Variants in VWA2 observed in about 807,000 individuals in gnomAD.
VWA2 encodes the protein von Willebrand factor A domain containing 2, also known as von Willebrand factor A domain-containing protein 2.
Under a neutral mutation model 70.4 loss-of-function variants are expected in VWA2, and 73 were observed. That is an observed-to-expected ratio of 1.04 (90% confidence interval 0.86 to 1.26). The LOEUF is 1.26. VWA2 is among the 50% of genes most tolerant of loss of function. The probability of loss-of-function intolerance (pLI) is 0.00; values close to 1 mark genes in which losing one functional copy is unlikely to be tolerated. For synonymous variants in VWA2, 407 were observed against 423.3 expected (o/e 0.96, Z 0.47); for missense variants, 1,011 against 998.5 (o/e 1.01, Z -0.17).
intron 5 of VWA2, among the ~76,000 whole-genome samples, chr10:114,266,314 A>G (rs1333144558): frequency 2.0e-5 from 3 of 152,076 alleles, no homozygotes; most frequent in Non-Finnish European, 2.9e-5. Flanking sequence ...AAAAAAAATT[A>G]AACTTTGTAG....
chr10:114,284,815 C>A, intron 9 of VWA2, 48 bp from the exon 10 acceptor site: 1 of 1,538,786 alleles, frequency 6.5e-7, no homozygotes, highest in Middle Eastern at 2.2e-4. Context: ...GTCCTCTCCA[C>A]TCCTCTGTGC....
At chr10:114,267,368 C>T (rs1011991271) in intron 5 of VWA2, among the ~76,000 whole-genome samples, 4 of 151,966 alleles carry the variant, frequency 2.6e-5, no homozygotes, top group African/African-American at 7.3e-5. Context: ...CCACCCGCTT[C>T]GGCCTCCCAA....
intron 5 of VWA2, among the ~76,000 whole-genome samples, chr10:114,270,360 C>A (rs2037680894): frequency 6.6e-6 from 1 of 152,102 alleles, no homozygotes; most frequent in African/African-American, 2.4e-5. Flanking sequence ...AGAGCTGTGG[C>A]GAGAATTATA....
chr10:114,276,788 G>C (rs1320512667), intron 6 of VWA2, among the ~76,000 whole-genome samples: 1 of 151,304 alleles, frequency 6.6e-6, no homozygotes, highest in Non-Finnish European at 1.5e-5. Context: ...CAAAGTACTG[G>C]GATAACAGGC....
chr10:114,269,076 C>T (rs1043827866), intron 5 of VWA2, among the ~76,000 whole-genome samples: 5 of 152,152 alleles, frequency 3.3e-5, no homozygotes, highest in African/African-American at 4.8e-5. Context: ...TTACCTTGGT[C>T]GCAAGCCAGC....
intron 6 of VWA2, among the ~76,000 whole-genome samples, chr10:114,277,143 T>C (rs916716331): frequency 1.3e-5 from 2 of 150,162 alleles, no homozygotes; most frequent in African/African-American, 4.9e-5. Flanking sequence ...ACAGGATTCT[T>C]CTAGATACAT....
At chr10:114,258,924 G>C (rs978906264) in intron 4 of VWA2, among the ~76,000 whole-genome samples, 19 of 152,132 alleles carry the variant, frequency 1.2e-4, no homozygotes, top group African/African-American at 4.6e-4. Context: ...TTTTTTTACA[G>C]GTCATTAAAA....
chr10:114,290,208 C>G, intron 12 of VWA2, 32 bp from the exon 13 acceptor site: 1 of 1,549,130 alleles, frequency 6.5e-7, no homozygotes, highest in Non-Finnish European at 8.7e-7. Flanking sequence ...CATGCCTGGC[C>G]GGCCTGGTGG....
intron 4 of VWA2, among the ~76,000 whole-genome samples, chr10:114,259,263 A>G (rs2037392471): frequency 6.6e-6 from 1 of 152,156 alleles, no homozygotes; most frequent in South Asian, 2.1e-4. Context: ...GTGTCTTTCC[A>G]TCAAAGAGTT....
chr10:114,273,324 G>A (rs530962242), intron 6 of VWA2, among the ~76,000 whole-genome samples: 20 of 152,214 alleles, frequency 1.3e-4, no homozygotes, highest in Non-Finnish European at 2.5e-4. Flanking sequence ...GCCTCCTCTC[G>A]TACCCTGACT....
chr10:114,246,635 T>A lies in VWA2; in HGVS notation c.-10-2069T>A, dbSNP rs148937257. On this transcript the variant is annotated intron_variant, in intron 1 of 13. Transcript: ENST00000392982. Reference sequence around the variant, plus strand: ...AGCCAGAGGCCAATGCTCAGAGAAGTACTTGAACACCCCTGGATCACAGCA... The same window carrying A: ...AGCCAGAGGCCAATGCTCAGAGAAGAACTTGAACACCCCTGGATCACAGCA... 3,170 of 1,525,318 alleles carry A rather than the reference T, an allele frequency of 2.1e-3. 50 individuals carry two copies. The African/African-American group carries it at 0.04, about 19-fold the overall frequency. 94.5% of individuals were successfully genotyped at this position (1,525,318 alleles called of 1,614,324 possible). A position where few individuals can be genotyped will look rare whatever the true frequency, so the allele number is the denominator to read the frequency against.
chr10:114,240,754 C>G (rs1379444090), intron 1 of VWA2, among the ~76,000 whole-genome samples: 1 of 152,210 alleles, frequency 6.6e-6, no homozygotes, highest in Non-Finnish European at 1.5e-5. Context: ...AAGCCATCCT[C>G]TCTTGTGACT....
rs1456403237 is a variant in VWA2 at position 114,239,366 on chromosome 10, G to A, written c.-214G>A. 1.3e-5 allele frequency: 2 copies of A among 152,258 alleles called. No homozygotes were observed. Among genetic ancestry groups the A allele is most frequent in the Admixed American group, 6.5e-5 (1 of 15,290 alleles). 9.4% of individuals were successfully genotyped at this position (152,258 alleles called of 1,614,324 possible). ...CTTTAAAAAACGCGAGGGGCTCTAT[G>A]CACCTCCCTGGCGGTAGTTCCTCCG... is the stretch of plus-strand genomic sequence containing the variant. On this transcript the variant is annotated 5_prime_UTR_variant, in exon 1 of 14. The change abolishes an upstream ATG in the 5' untranslated region. Transcript: ENST00000392982.
chr10:114,242,557 TGTGCCTCTGCGTACTG>T (rs1377151010), intron 1 of VWA2, among the ~76,000 whole-genome samples: 2 of 151,478 alleles, frequency 1.3e-5, no homozygotes, highest in East Asian at 3.9e-4. Context: ...CTGTGTACTG[TGTGCCTCTGCGTACTG>T]GTGCCTCTGT....
At position 114,290,225 on chromosome 10, in the gene VWA2, T is replaced by C; in HGVS notation, c.2123-15T>C. 1 of 1,550,170 alleles carries C rather than the reference T, an allele frequency of 6.5e-7. No individual in the cohort carries two copies. The highest frequency in any genetic ancestry group is 8.7e-7 in the Non-Finnish European group (1 of 1,146,784). ...TGCCTGGCCGGCCTGGTGGGTATGG[T>C]GTTCTCCATTGTAGAAGCCAAGCAG... On this transcript the variant is annotated splice_polypyrimidine_tract_variant and intron_variant, in intron 12 of 13. Transcript: ENST00000392982.
chr10:114,247,553 C>T (rs2037098821), intron 1 of VWA2, among the ~76,000 whole-genome samples: 2 of 152,082 alleles, frequency 1.3e-5, no homozygotes, highest in Admixed American at 1.3e-4. Flanking sequence ...CCTGCCTCGG[C>T]CTCCCAAAGT....
At chr10:114,256,135 A>G (rs2037322156) in intron 4 of VWA2, among the ~76,000 whole-genome samples, 1 of 152,258 alleles carries the variant, frequency 6.6e-6, no homozygotes, top group African/African-American at 2.4e-5. Context: ...ACACATGCCC[A>G]TGCAAAATCG....
chr10:114,283,261 GGCAGCGAGCAGTTAGACACA>G (rs2038407919), intron 9 of VWA2, among the ~76,000 whole-genome samples: 1 of 151,996 alleles, frequency 6.6e-6, no homozygotes, highest in African/African-American at 2.4e-5. Flanking sequence ...ACACAGGCAG[GGCAGCGAGCAGTTAGACACA>G]CAGGCAGGCA....
intron 5 of VWA2, among the ~76,000 whole-genome samples, chr10:114,270,993 C>G (rs2037695310): frequency 6.6e-6 from 1 of 152,154 alleles, no homozygotes; most frequent in Non-Finnish European, 1.5e-5. Context: ...CATTTAAAAG[C>G]TTTTTCCCCT....
Sources: gnomAD v4.1 joint callset for allele counts (sites outside exome capture counted in the v4.1 genomes callset) on GRCh38, gnomAD v4.1.1 for gene constraint, MANE v1.5 for transcripts, NCBI Gene and HGNC (gene_info 2026-07-23, HGNC 2026-07-21) for gene names.